The following USP28 variants were observed in gnomAD, a reference collection of about 807,000 sequenced individuals.
The protein encoded by USP28 is ubiquitin carboxyl-terminal hydrolase 28.
USP28 carries 113 observed loss-of-function variants against 145.0 expected under a neutral mutation model. The ratio of observed to expected loss-of-function variants is 0.78; its 90% CI spans 0.67 to 0.91. USP28 has a LOEUF of 0.91. Ranked by LOEUF, USP28 falls within the 40% of genes least tolerant of loss-of-function variation. The pLI is 0.00. For synonymous variants in USP28, 447 were observed against 450.9 expected (o/e 0.99, Z 0.11); for missense variants, 1,201 against 1,289.6 (o/e 0.93, Z 1.05).
At chr11:113,855,371 T>C (rs550681083) in intron 1 of USP28, among the ~76,000 whole-genome samples, 1 of 152,326 alleles carries the variant, frequency 6.6e-6, no homozygotes, top group Admixed American at 6.5e-5. Flanking sequence ...CTGGCCCAAC[T>C]TGAGACACAA....
chr11:113,859,201 C>G (rs1421572580), intron 1 of USP28: 2 of 152,082 alleles, frequency 1.3e-5, no homozygotes, highest in Non-Finnish European at 2.9e-5. Flanking sequence ...AAACAGGCAC[C>G]TTACATGCAT....
chr11:113,833,663 T>C, intron 6 of USP28, 106 bp from the exon 7 acceptor site: 1 of 1,124,934 alleles, frequency 8.9e-7, no homozygotes, highest in Non-Finnish European at 1.3e-6. Context: ...TATATTTACC[T>C]AGATCTAGGT....
exon 6 of USP28, chr11:113,834,290 T>C (rs1286427797): frequency 1.2e-6 from 2 of 1,612,144 alleles, no homozygotes; most frequent in Non-Finnish European, 1.7e-6. Flanking sequence ...TGTGGCAGAC[T>C]ATAACTGAGA....
chr11:113,873,326 T>A (rs1251978870), intron 1 of USP28, among the ~76,000 whole-genome samples: 1 of 152,206 alleles, frequency 6.6e-6, no homozygotes, highest in Non-Finnish European at 1.5e-5. Flanking sequence ...CAGCTTTCCG[T>A]ATAGGGCAAA....
chr11:113,854,388 G>A (rs1946813217), intron 1 of USP28, 53 bp from the exon 2 acceptor site: 1 of 1,528,190 alleles, frequency 6.5e-7, no homozygotes, highest in Non-Finnish European at 9.0e-7. Context: ...AAGTAAACCT[G>A]GGTACATTTA....
At chr11:113,869,689 A>C (rs1055267698) in intron 1 of USP28, among the ~76,000 whole-genome samples, 1 of 152,210 alleles carries the variant, frequency 6.6e-6, no homozygotes, top group African/African-American at 2.4e-5. Flanking sequence ...AAAAGTGCTT[A>C]GGGTGGTACA....
At chr11:113,875,320 C>G in intron 1 of USP28, 125 bp downstream of exon 1, 1 of 771,510 alleles carries the variant, frequency 1.3e-6, no homozygotes. Context: ...CTGGCGGGCG[C>G]ACCCCCTGTC....
rs752467703 is a variant in USP28, at chr11:113,808,371, T to C, written c.2231A>G (p.Glu744Gly). ...GTTTGCAATAGCCTGGGCAGTTTGCTCCTTTACAATCACAGCATGCTCAGA... is the reference window on the plus strand; with the variant it reads ...GTTTGCAATAGCCTGGGCAGTTTGCCCCTTTACAATCACAGCATGCTCAGA... The change falls in exon 18 of 25, where the codon GAG (glutamate) becomes GGG (glycine). Residue 744 changes from glutamate (E) to glycine (G), a missense_variant. Transcript: ENST00000003302. The C allele has an allele frequency of 1.9e-6, 3 of 1,614,076 alleles. No individual in the cohort carries two copies. The South Asian group carries it at 3.3e-5, about 18-fold the overall frequency.
At chr11:113,846,718 C>T (rs1329906592) in intron 3 of USP28, among the ~76,000 whole-genome samples, 1 of 152,238 alleles carries the variant, frequency 6.6e-6, no homozygotes, top group Non-Finnish European at 1.5e-5. Context: ...AGGCTGGGCA[C>T]TGTGGCTCAC....
chr11:113,804,088 TTGAG>T (rs1310279978), intron 21 of USP28, among the ~76,000 whole-genome samples: 2 of 152,352 alleles, frequency 1.3e-5, no homozygotes, highest in East Asian at 3.9e-4. Flanking sequence ...TTCCTTTCAC[TTGAG>T]TAACAGAAGT....
chr11:113,840,399 T>C (rs1591358209), intron 5 of USP28, among the ~76,000 whole-genome samples, 199 bp downstream of exon 5: 2 of 152,202 alleles, frequency 1.3e-5, no homozygotes, highest in South Asian at 2.1e-4. Context: ...TCAATATATT[T>C]ACAACCACAG....
intron 5 of USP28, among the ~76,000 whole-genome samples, chr11:113,840,133 C>T (rs545284169): frequency 2.0e-5 from 3 of 152,290 alleles, no homozygotes; most frequent in African/African-American, 7.2e-5. Flanking sequence ...AACTAGAAAC[C>T]TCATAGTCTT....
rs1257964605 is a variant in USP28, at chr11:113,875,487, C to T, written c.15G>A (p.Leu5=). ...CCGCGCCGGCCGCGTCGTCCTGCTG[C>T]AGCTCCGCAGTCATGGCCGAGGCGC... The change falls in exon 1 of 25, where the codon CTG becomes CTA. Residue 5 remains leucine (L), a synonymous_variant. Transcript: ENST00000003302. 7 of 1,216,862 alleles carry T rather than the reference C, an allele frequency of 5.8e-6. No individual in the cohort carries two copies. The East Asian group carries it at 1.6e-4, about 28-fold the overall frequency. The allele number at this position is 1,216,862 out of a possible 1,614,324, so 75.4% of individuals were successfully genotyped here. A position where few individuals can be genotyped will look rare whatever the true frequency, so the allele number is the denominator to read the frequency against.
At chr11:113,818,776 G>A (rs1437808158) in intron 12 of USP28, among the ~76,000 whole-genome samples, 2 of 151,822 alleles carry the variant, frequency 1.3e-5, no homozygotes, top group Non-Finnish European at 2.9e-5. Context: ...CAGGAGGATC[G>A]CTTGAGCCTG....
intron 13 of USP28, 134 bp from the exon 14 acceptor site, chr11:113,815,516 G>C: frequency 2.6e-6 from 2 of 772,684 alleles, no homozygotes; most frequent in East Asian, 2.7e-5. Context: ...TAAAGGTACA[G>C]AGCCAACCTT....
intron 2 of USP28, among the ~76,000 whole-genome samples, chr11:113,853,140 C>T (rs947021548): frequency 1.3e-5 from 2 of 151,496 alleles, no homozygotes; most frequent in African/African-American, 4.9e-5. Context: ...CCATCCCTAC[C>T]AAAAATACAA....
In USP28 at chr11:113,863,359, G is replaced by T. The variant is rs191535152; in HGVS notation, c.58-9024C>A. 2.6e-3 allele frequency among the ~76,000 whole-genome samples: 399 copies of T among 151,834 alleles called. 8 individuals carry two copies. Among genetic ancestry groups the T allele is most frequent in the Non-Finnish European group, 4.4e-4 (30 of 67,922 alleles). ...CCTGGGCCGGGCGCAGTGGGTCACTGCTGAGGCTGGGTGCGATGGCTCACA... is the reference window on the plus strand; with the variant it reads ...CCTGGGCCGGGCGCAGTGGGTCACTTCTGAGGCTGGGTGCGATGGCTCACA... On this transcript the variant is annotated intron_variant, in intron 1 of 24. Transcript: ENST00000003302.
At chr11:113,843,682 A>AC in intron 3 of USP28, among the ~76,000 whole-genome samples, 1 of 151,572 alleles carries the variant, frequency 6.6e-6, no homozygotes, top group African/African-American at 2.4e-5. Context: ...AAAAAAAAAA[A>AC]AAAAAAAACT....
chr11:113,831,823 C>A, intron 8 of USP28, 97 bp downstream of exon 8: 1 of 1,205,026 alleles, frequency 8.3e-7, no homozygotes, highest in East Asian at 2.5e-5. Context: ...GGTTAAAAAC[C>A]AGCAATTTCT....
Sources: gnomAD v4.1 joint callset for allele counts (sites outside exome capture counted in the v4.1 genomes callset) on GRCh38, gnomAD v4.1.1 for gene constraint, MANE v1.5 for transcripts, NCBI Gene and HGNC (gene_info 2026-07-23, HGNC 2026-07-21) for gene names.